RANBP17: variants seen among roughly 807,000 people sequenced by gnomAD.
RANBP17 encodes RAN binding protein 17.
RANBP17 carries 158 observed loss-of-function variants against 141.2 expected under a neutral mutation model. The ratio of observed to expected loss-of-function variants is 1.12; its 90% CI spans 0.98 to 1.28. RANBP17 has a LOEUF of 1.28. RANBP17 is among the 50% of genes most tolerant of loss of function. The pLI, the probability that RANBP17 is intolerant of heterozygous loss-of-function variation, is 0.00. For synonymous variants in RANBP17, 430 were observed against 450.0 expected, an observed-to-expected ratio of 0.96 and a Z score of 0.56; for missense variants, 1,438 against 1,290.7, an observed-to-expected ratio of 1.11 and a Z score of -1.75.
intron 14 of RANBP17, among the ~76,000 whole-genome samples, chr5:171,058,944 G>A (rs1239150715): frequency 6.6e-6 from 1 of 151,706 alleles, no homozygotes; most frequent in Non-Finnish European, 1.5e-5. Flanking sequence ...GTGTCTTTTG[G>A]CTGCATAAAT....
At chr5:171,171,124 A>G (rs889232843) in intron 15 of RANBP17, 82 bp from the exon 16 acceptor site, 82 of 726,998 alleles carry the variant, frequency 1.1e-4, no homozygotes, top group Non-Finnish European at 1.8e-4. Context: ...CATCAAACTT[A>G]CATAAATTTA....
chr5:171,122,288 T>G (rs1246070552), intron 14 of RANBP17, among the ~76,000 whole-genome samples: 2 of 152,178 alleles, frequency 1.3e-5, no homozygotes, highest in African/African-American at 2.4e-5. Context: ...GTTTTTTTTC[T>G]TTTGGAGTCA....
chr5:170,892,362 G>T, intron 3 of RANBP17, 25 bp from the exon 4 acceptor site: 2 of 1,300,844 alleles, frequency 1.5e-6, no homozygotes, highest in South Asian at 2.8e-5. Context: ...AAGTCCAGAT[G>T]ACCCATGGAG....
intron 14 of RANBP17, among the ~76,000 whole-genome samples, chr5:171,110,194 C>T (rs963087499): frequency 1.1e-4 from 17 of 151,882 alleles, no homozygotes; most frequent in Admixed American, 3.3e-4. Flanking sequence ...CTCTGTGGCT[C>T]TGTGACATTG....
At position 170,913,324 on chromosome 5, in the gene RANBP17, G is replaced by T. The variant is rs115351255; in HGVS notation, c.761-843G>T. ...AGTTAAGGAGCAACCAGTTCAAGTT[G>T]AAGGCTCTGGGAGGTAGGGGTGGGT... On this transcript the variant is annotated intron_variant, in intron 7 of 27. Transcript: ENST00000523189. Among the ~76,000 whole-genome samples the T allele has an allele frequency of 1.3e-3, 199 of 152,032 alleles. 1 individual carries two copies. The highest frequency in any genetic ancestry group is 4.7e-3 in the African/African-American group (194 of 41,512).
chr5:171,226,241 T>G (rs927778375), intron 22 of RANBP17, among the ~76,000 whole-genome samples: 2 of 152,208 alleles, frequency 1.3e-5, no homozygotes, highest in Non-Finnish European at 2.9e-5. Flanking sequence ...TATGTTCAAT[T>G]TCCATTTGTC....
intron 15 of RANBP17, 104 bp downstream of exon 15, chr5:171,170,307 A>T: frequency 4.1e-6 from 2 of 486,118 alleles, no homozygotes; most frequent in South Asian, 1.2e-4. Context: ...TTTTAAATAA[A>T]AGACTTAAAA....
intron 25 of RANBP17, among the ~76,000 whole-genome samples, chr5:171,267,986 T>C (rs988614740): frequency 2.0e-5 from 3 of 152,210 alleles, no homozygotes; most frequent in Non-Finnish European, 2.9e-5. Context: ...ATAATGGATG[T>C]CATTCATATT....
chr5:170,925,276 C>G (rs1839784), intron 12 of RANBP17, among the ~76,000 whole-genome samples: 91,256 of 151,906 alleles, frequency 0.6, 29,162 homozygotes, highest in South Asian at 0.88. Flanking sequence ...GAAGATTATC[C>G]TTTACATTTG....
At chr5:171,272,406 G>C (rs2128028042) in intron 25 of RANBP17, among the ~76,000 whole-genome samples, 1 of 152,254 alleles carries the variant, frequency 6.6e-6, no homozygotes, top group East Asian at 1.9e-4. Context: ...CTTACTATCT[G>C]CAAGCACTAG....
At chr5:170,880,469 C>G (rs145982319) in intron 2 of RANBP17, among the ~76,000 whole-genome samples, 5 of 152,128 alleles carry the variant, frequency 3.3e-5, no homozygotes, top group Non-Finnish European at 5.9e-5. Context: ...AACTCATCAT[C>G]GGTAAATGGC....
At chr5:171,063,765 G>A (rs1316112515) in intron 14 of RANBP17, among the ~76,000 whole-genome samples, 1 of 152,214 alleles carries the variant, frequency 6.6e-6, no homozygotes, top group Non-Finnish European at 1.5e-5. Flanking sequence ...TGCCCCCAGA[G>A]GTGGAGCCTA....
chr5:170,968,290 TAATGAGAA>T lies in RANBP17; in HGVS notation c.1627_1634del (p.Glu543ArgfsTer13). The T allele has an allele frequency of 6.2e-7, 1 of 1,607,774 alleles. No homozygotes were observed. Among genetic ancestry groups the T allele is most frequent in the Non-Finnish European group, 8.5e-7 (1 of 1,177,122 alleles). On this transcript the variant is annotated frameshift_variant, in exon 14 of 28. Coordinates refer to ENST00000523189, the MANE Select transcript of RANBP17 (RefSeq NM_022897.5). LOFTEE classifies it high-confidence loss of function. ...TGGATACCGGATTGCCTCGATGTTG[TAATGAGAA>T]AATAGAGCTTGCAATTCTGTGGTTC... is the stretch of plus-strand genomic sequence containing the variant.
chr5:171,129,840 A>T (rs967866760), intron 14 of RANBP17, among the ~76,000 whole-genome samples: 5 of 152,210 alleles, frequency 3.3e-5, no homozygotes, highest in Admixed American at 1.3e-4. Flanking sequence ...TACGATGTGC[A>T]GAATGCTTAG....
chr5:170,934,662 G>T (rs1430976471), intron 12 of RANBP17, among the ~76,000 whole-genome samples: 1 of 152,210 alleles, frequency 6.6e-6, no homozygotes, highest in Non-Finnish European at 1.5e-5. Flanking sequence ...TAGAGTTTCT[G>T]CCGAGAGATC....
At chr5:170,969,594 C>G (rs753879575) in intron 14 of RANBP17, among the ~76,000 whole-genome samples, 1 of 151,822 alleles carries the variant, frequency 6.6e-6, no homozygotes, top group Non-Finnish European at 1.5e-5. Context: ...ATACAGTATC[C>G]ATTTGGTGTA....
chr5:170,983,520 A>C (rs559490559), intron 14 of RANBP17, among the ~76,000 whole-genome samples: 75 of 152,338 alleles, frequency 4.9e-4, no homozygotes, highest in Non-Finnish European at 9.3e-4. Flanking sequence ...AGATAATGTG[A>C]AAAATTCTTA....
chr5:171,256,154 A>G (rs1217455785), intron 24 of RANBP17, among the ~76,000 whole-genome samples: 2 of 152,198 alleles, frequency 1.3e-5, no homozygotes, highest in Non-Finnish European at 2.9e-5. Context: ...CAAAGATTCT[A>G]TCATGAGGTA....
Position 171,199,756 on chromosome 5 carries a change from A to G in RANBP17, c.2125A>G (p.Lys709Glu). The change falls in exon 19 of 28, where the codon AAA becomes GAA. Residue 709 changes from lysine to glutamate, a missense_variant. Coordinates refer to ENST00000523189, the MANE Select transcript of RANBP17 (RefSeq NM_022897.5). ...ATTACAAATATTCAACAACAACTTT[A>G]AACAAGAAGATGTAAAGGTGGGTTT... Reference protein sequence around the residue: ...TVLQIFNNNFKQEDVKRMLIG... With the variant: ...TVLQIFNNNFEQEDVKRMLIG... 1.2e-6 allele frequency: 2 copies of G among 1,601,324 alleles called. No individual in the cohort carries two copies. Among genetic ancestry groups the G allele is most frequent in the Non-Finnish European group, 1.7e-6 (2 of 1,170,116 alleles).
Sources: gnomAD v4.1 joint callset for allele counts (sites outside exome capture counted in the v4.1 genomes callset) on GRCh38, gnomAD v4.1.1 for gene constraint, MANE v1.5 for transcripts, NCBI Gene and HGNC (gene_info 2026-07-23, HGNC 2026-07-21) for gene names.